The following OIP5 variants were observed in gnomAD, a reference collection of about 807,000 sequenced individuals.
OIP5 encodes protein Mis18-beta.
A neutral mutation model predicts 20.3 loss-of-function variants in OIP5; 24 were observed. That is an observed-to-expected ratio of 1.18 (90% CI 0.86 to 1.66). OIP5 has a LOEUF of 1.66. OIP5 is among the 40% of genes most tolerant of loss of function. The probability of loss-of-function intolerance (pLI) is 0.00; values close to 1 mark genes in which losing one functional copy is unlikely to be tolerated. For missense variants in OIP5, 339 were observed against 289.5 expected (o/e 1.17, Z -1.24); for synonymous variants, 143 against 121.3 (o/e 1.18, Z -1.17).
intron 2 of OIP5, among the ~76,000 whole-genome samples, chr15:41,329,157 C>A (rs904508641): frequency 1.6e-4 from 24 of 151,366 alleles, no homozygotes; most frequent in African/African-American, 5.8e-4. Flanking sequence ...CATTAATCAT[C>A]CTCTTAATTC....
chr15:41,320,158 CAAGTT>C (rs1567025794), intron 2 of OIP5, among the ~76,000 whole-genome samples: 1 of 152,128 alleles, frequency 6.6e-6, no homozygotes, highest in African/African-American at 2.4e-5. Context: ...GAAAAATAAT[CAAGTT>C]GACTGGGGCC....
intron 3 of OIP5, among the ~76,000 whole-genome samples, chr15:41,317,863 A>G (rs1282677618): frequency 6.6e-6 from 1 of 152,114 alleles, no homozygotes; most frequent in Non-Finnish European, 1.5e-5. Flanking sequence ...AATTTTTTGT[A>G]GAGACAGAGT....
chr15:41,313,140 C>G, intron 4 of OIP5, 133 bp downstream of exon 4: 2 of 658,752 alleles, frequency 3.0e-6, no homozygotes, highest in Non-Finnish European at 5.3e-6. Context: ...ATTACAAATT[C>G]AATAGGGAAG....
rs763310510 is a variant in OIP5 at position 41,309,867 on chromosome 15, T to C, written c.595-18A>G. On this transcript the variant is annotated intron_variant, in intron 4 of 4. Coordinates refer to ENST00000220514, the MANE Select transcript of OIP5 (RefSeq NM_007280.2). ...TCTTTCAGCTAGGAAGAGAAATATA[T>C]AGATATCAGGGCATCTTTTTTTATT... 3 of 1,540,212 alleles carry C rather than the reference T, an allele frequency of 1.9e-6. No homozygotes were observed. The highest frequency in any genetic ancestry group is 1.8e-6 in the Non-Finnish European group (2 of 1,116,990).
rs2047951074 is a variant in OIP5, at chr15:41,332,590, A to T, written c.-29T>A. 6.3e-7 allele frequency: 1 copy of T among 1,577,766 alleles called. No homozygotes were observed. Among genetic ancestry groups the T allele is most frequent in the Non-Finnish European group, 8.6e-7 (1 of 1,162,900 alleles). ...CCCGCAGCCGGCGCCTTCCTTTCGA[A>T]TACACGCCAGGCCCCGCCCCAAGCA... On this transcript the variant is annotated 5_prime_UTR_variant, in exon 1 of 5. Transcript: ENST00000220514.
intron 3 of OIP5, among the ~76,000 whole-genome samples, chr15:41,318,782 A>AC (rs2047804145): frequency 6.6e-6 from 1 of 150,866 alleles, no homozygotes; most frequent in Non-Finnish European, 1.5e-5. Context: ...GTAACCTTGA[A>AC]CTCCTGGGCT....
intron 2 of OIP5, among the ~76,000 whole-genome samples, chr15:41,324,408 G>A (rs1216827371): frequency 6.6e-6 from 1 of 152,128 alleles, no homozygotes; most frequent in African/African-American, 2.4e-5. Context: ...GAATGTTGTG[G>A]CTGATTTGAT....
At chr15:41,319,399 G>A (rs1172738311) in intron 3 of OIP5, among the ~76,000 whole-genome samples, 1 of 152,022 alleles carries the variant, frequency 6.6e-6, no homozygotes, top group Non-Finnish European at 1.5e-5. Context: ...GGGATTACAG[G>A]CGTCTACCAC....
chr15:41,317,702 A>G (rs903146457), intron 3 of OIP5, among the ~76,000 whole-genome samples: 1 of 151,846 alleles, frequency 6.6e-6, no homozygotes, highest in African/African-American at 2.4e-5. Context: ...TTTAAGAGAC[A>G]GGGTCTTGCT....
intron 2 of OIP5, among the ~76,000 whole-genome samples, chr15:41,330,998 T>C (rs1401836315): frequency 6.6e-6 from 1 of 152,172 alleles, no homozygotes; most frequent in Non-Finnish European, 1.5e-5. Flanking sequence ...ATAGGGAGTG[T>C]CTTTTATTCA....
intron 3 of OIP5, among the ~76,000 whole-genome samples, chr15:41,313,926 G>A (rs547644954): frequency 1.1e-4 from 17 of 152,082 alleles, no homozygotes; most frequent in East Asian, 9.6e-4. Flanking sequence ...GATCTCTGCC[G>A]CATCCCACCA....
At chr15:41,321,602 T>G (rs567755848) in intron 2 of OIP5, among the ~76,000 whole-genome samples, 104 of 150,940 alleles carry the variant, frequency 6.9e-4, no homozygotes, top group Admixed American at 1.5e-3. Context: ...TGCCTTGGGA[T>G]CCTGTTGATC....
intron 2 of OIP5, among the ~76,000 whole-genome samples, chr15:41,325,137 C>T (rs2047853769): frequency 6.6e-6 from 1 of 151,982 alleles, no homozygotes; most frequent in South Asian, 2.1e-4. Flanking sequence ...ATTGGCCGGG[C>T]GCAGTGGCTG....
At chr15:41,311,466 A>G (rs960802619) in intron 4 of OIP5, among the ~76,000 whole-genome samples, 1 of 152,220 alleles carries the variant, frequency 6.6e-6, no homozygotes, top group East Asian at 1.9e-4. Flanking sequence ...CTTGAAGAAA[A>G]TTTCCACAGA....
intron 4 of OIP5, 48 bp downstream of exon 4, chr15:41,313,225 A>G (rs760208092): frequency 4.4e-6 from 5 of 1,131,256 alleles, no homozygotes; most frequent in Non-Finnish European, 6.6e-6. Flanking sequence ...GAAGTTATCA[A>G]GAGTTGTCTG....
In OIP5 at chr15:41,319,718, G is replaced by A; in HGVS notation, c.452C>T (p.Thr151Ile). Residue 151 changes from threonine to isoleucine, a missense_variant, in exon 3 of 5, where the codon ACC becomes ATC. Transcript: ENST00000220514. The part of the protein sequence containing the change: ...GIPVGFHLYS[T>I]HAALAALRGH... ...TCTCAAGGCAGCCAGGGCAGCATGG[G>A]TAGAATACAGATGGAAACCAACGGG... 2 of 1,613,740 alleles carry A rather than the reference G, an allele frequency of 1.2e-6. No individual in the cohort carries two copies. Among genetic ancestry groups the A allele is most frequent in the South Asian group, 1.1e-5 (1 of 91,056 alleles).
chr15:41,312,627 ATTTTT>A (rs907153998), intron 4 of OIP5, among the ~76,000 whole-genome samples: 6 of 127,018 alleles, frequency 4.7e-5, no homozygotes, highest in Admixed American at 2.4e-4. Context: ...GACCGGCTAA[ATTTTT>A]TTTTTTTTTT....
In OIP5 at chr15:41,312,494, C is replaced by T. The variant is rs1229742879; in HGVS notation, c.594+779G>A. On this transcript the variant is annotated intron_variant, in intron 4 of 4. Transcript: ENST00000220514. ...TTTTTTTTTGAGACGCAGTCTCGCT[C>T]TGTTGCCCAGGCTGGAGTGCAGTGG... Among the ~76,000 whole-genome samples, 4 of 151,802 alleles carry T rather than the reference C, an allele frequency of 2.6e-5. No individual in the cohort carries two copies. In the East Asian group the frequency reaches 7.8e-4, roughly 30 times the overall value.
chr15:41,320,291 C>G (rs1277644064), intron 2 of OIP5, among the ~76,000 whole-genome samples: 1 of 150,600 alleles, frequency 6.6e-6, no homozygotes. Context: ...CACGGTCTCC[C>G]TCTCCCTCTC....
Sources: allele counts gnomAD v4.1 joint callset (sites outside exome capture counted in the v4.1 genomes callset), GRCh38; gene constraint gnomAD v4.1.1; transcripts MANE v1.5; gene names NCBI Gene and HGNC (gene_info 2026-07-23, HGNC 2026-07-21).